EPHA3: variants seen among roughly 807,000 people sequenced by gnomAD.
The protein encoded by EPHA3 is EPH receptor A3.
A neutral mutation model predicts 107.1 loss-of-function variants in EPHA3; 42 were observed. That is an observed-to-expected ratio of 0.39 (90% CI 0.31 to 0.51). The LOEUF (loss-of-function observed/expected upper bound fraction) is 0.51. EPHA3 is among the 20% of genes least tolerant of loss of function. The pLI, the probability that EPHA3 is intolerant of heterozygous loss-of-function variation, is 0.78. For missense variants in EPHA3, 1,183 were observed against 1,211.2 expected, an observed-to-expected ratio of 0.98 and a Z score of 0.35; for synonymous variants, 461 against 424.8, an observed-to-expected ratio of 1.09 and a Z score of -1.05.
At chr3:89,222,677 C>T (rs1304932133) in intron 3 of EPHA3, among the ~76,000 whole-genome samples, 1 of 151,850 alleles carries the variant, frequency 6.6e-6, no homozygotes, top group African/African-American at 2.4e-5. Flanking sequence ...AGGGTGAAGG[C>T]TGTAATAAAA....
At chr3:89,347,840 G>C (rs1472176834) in intron 5 of EPHA3, among the ~76,000 whole-genome samples, 1 of 150,968 alleles carries the variant, frequency 6.6e-6, no homozygotes, top group Non-Finnish European at 1.5e-5. Flanking sequence ...GTTGAATTTT[G>C]TCAAAGGCTT....
chr3:89,479,624 A>C lies in EPHA3; in HGVS notation c.*122A>C. On this transcript the variant is annotated 3_prime_UTR_variant, in exon 17 of 17. Transcript: ENST00000336596. ...GTTCCAAGTCCAATAAGACACTCAA[A>C]TATGAGTACAAATGCCTTAAAATGG... 2.9e-6 allele frequency: 2 copies of C among 694,492 alleles called. No individual in the cohort carries two copies. Among genetic ancestry groups the C allele is most frequent in the Non-Finnish European group, 5.0e-6 (2 of 398,828 alleles). 43.0% of individuals were successfully genotyped at this position (694,492 alleles called of 1,614,324 possible). A position where few individuals can be genotyped will look rare whatever the true frequency, so the allele number is the denominator to read the frequency against.
At chr3:89,254,579 TC>T (rs1272573133) in intron 3 of EPHA3, among the ~76,000 whole-genome samples, 1 of 152,180 alleles carries the variant, frequency 6.6e-6, no homozygotes, top group Non-Finnish European at 1.5e-5. Flanking sequence ...ACTCAGCTAA[TC>T]CAGTCACATT....
intron 2 of EPHA3, among the ~76,000 whole-genome samples, chr3:89,187,347 T>C (rs1338307436): frequency 6.7e-6 from 1 of 148,550 alleles, no homozygotes; most frequent in East Asian, 1.9e-4. Context: ...TATTAATAAA[T>C]AATATACATT....
intron 11 of EPHA3, among the ~76,000 whole-genome samples, chr3:89,425,011 A>C (rs1443909149): frequency 6.6e-6 from 1 of 151,430 alleles, no homozygotes; most frequent in Non-Finnish European, 1.5e-5. Context: ...CCAGTCTGAA[A>C]TTATAGACCT....
intron 2 of EPHA3, among the ~76,000 whole-genome samples, chr3:89,189,617 T>A (rs1389435857): frequency 6.6e-6 from 1 of 152,072 alleles, no homozygotes; most frequent in Admixed American, 6.6e-5. Context: ...AAAACTACAC[T>A]AAGAGACCTA....
intron 13 of EPHA3, among the ~76,000 whole-genome samples, chr3:89,442,307 G>T (rs1709801001): frequency 6.6e-6 from 1 of 152,156 alleles, no homozygotes. Flanking sequence ...GGTATAGCCT[G>T]TGACAGGGGT....
chr3:89,249,693 AC>A (rs2107260743), intron 3 of EPHA3, among the ~76,000 whole-genome samples: 1 of 152,186 alleles, frequency 6.6e-6, no homozygotes, highest in South Asian at 2.1e-4. Context: ...ACTCCTGAGT[AC>A]AAGCAATCTG....
intron 3 of EPHA3, among the ~76,000 whole-genome samples, chr3:89,235,883 GT>G (rs1300901473): frequency 6.6e-6 from 1 of 151,700 alleles, no homozygotes; most frequent in African/African-American, 2.4e-5. Flanking sequence ...GAATTTCTAT[GT>G]ATTAATAAAT....
chr3:89,136,330 C>CTTTTTTTTTTTTTTTTTTTTTTTTTTTT lies in EPHA3; in HGVS notation c.153+9081_153+9082insTTTTTTTTTTTTTTTTTTTTTTTTTTTT, dbSNP rs67054298. ...GAAAAACATGGCAAAATCTTACAGG[C>CTTTTTTTTTTTTTTTTTTTTTTTTTTTT]TTTTTTTTTTTTTTTTTTTTTTTTG... On this transcript the variant is annotated intron_variant, in intron 2 of 16. Coordinates refer to ENST00000336596, the MANE Select transcript of EPHA3 (RefSeq NM_005233.6). Among the ~76,000 whole-genome samples, 12 of 23,382 alleles carry CTTTTTTTTTTTTTTTTTTTTTTTTTTTT rather than the reference C, an allele frequency of 5.1e-4. 4 individuals are homozygous for CTTTTTTTTTTTTTTTTTTTTTTTTTTTT. The highest frequency in any genetic ancestry group is 1.3e-3 in the East Asian group (1 of 760). 15.3% of individuals were successfully genotyped at this position (23,382 alleles called of 152,430 possible).
chr3:89,387,966 A>G (rs760752674), intron 5 of EPHA3, among the ~76,000 whole-genome samples: 5 of 152,152 alleles, frequency 3.3e-5, no homozygotes, highest in Non-Finnish European at 5.9e-5. Context: ...TCTTGTGTAT[A>G]CTGTTATCAA....
At chr3:89,391,381 T>A (rs945353813) in intron 5 of EPHA3, among the ~76,000 whole-genome samples, 5 of 145,772 alleles carry the variant, frequency 3.4e-5, no homozygotes, top group Admixed American at 6.8e-5. Context: ...TTATTTGTAT[T>A]TTTTTCTTTT....
At position 89,237,557 on chromosome 3, in the gene EPHA3, C is replaced by A. The variant is rs192338013; in HGVS notation, c.814+27037C>A. Among the ~76,000 whole-genome samples the A allele has an allele frequency of 3.7e-4, 57 of 152,224 alleles. No individual in the cohort carries two copies. In the East Asian group the frequency reaches 0.01, roughly 27 times the overall value. On this transcript the variant is annotated intron_variant, in intron 3 of 16. Coordinates refer to ENST00000336596, the MANE Select transcript of EPHA3 (RefSeq NM_005233.6). Reference sequence around the variant, plus strand: ...CCTAAGAGTTTCTGCCCTATGATTTCAACTGACTTGTATAAAAAGTTAGTT... The same window carrying A: ...CCTAAGAGTTTCTGCCCTATGATTTAAACTGACTTGTATAAAAAGTTAGTT...
At chr3:89,374,062 T>A (rs1193150392) in intron 5 of EPHA3, among the ~76,000 whole-genome samples, 2 of 151,782 alleles carry the variant, frequency 1.3e-5, no homozygotes, top group South Asian at 2.1e-4. Flanking sequence ...ATATGTACAA[T>A]TATACACTCT....
intron 4 of EPHA3, 122 bp from the exon 5 acceptor site, chr3:89,341,633 G>A: frequency 1.0e-5 from 8 of 792,152 alleles, no homozygotes; most frequent in Non-Finnish European, 1.6e-5. Context: ...AGGATGAACT[G>A]AAAGTTGATA....
chr3:89,422,236 G>C (rs1326379763), intron 11 of EPHA3, among the ~76,000 whole-genome samples: 1 of 145,018 alleles, frequency 6.9e-6, no homozygotes, highest in African/African-American at 2.6e-5. Context: ...CACACACAGA[G>C]CGATTGTGTT....
rs115816030 is a variant in EPHA3, at chr3:89,298,169, T to C, written c.815-42747T>C. 8.0e-3 allele frequency among the ~76,000 whole-genome samples: 1,211 copies of C among 152,266 alleles called. 13 individuals carry two copies. Among genetic ancestry groups the C allele is most frequent in the African/African-American group, 0.023 (967 of 41,544 alleles). On this transcript the variant is annotated intron_variant, in intron 3 of 16. Coordinates refer to ENST00000336596, the MANE Select transcript of EPHA3 (RefSeq NM_005233.6). ...CACCAAATCCCATGCCTCTACTACATTTGGATAGTTCTTTCCCTGACCTCA... is the reference window on the plus strand; with the variant it reads ...CACCAAATCCCATGCCTCTACTACACTTGGATAGTTCTTTCCCTGACCTCA...
At chr3:89,154,297 T>C (rs1477198641) in intron 2 of EPHA3, among the ~76,000 whole-genome samples, 11 of 151,428 alleles carry the variant, frequency 7.3e-5, no homozygotes, top group Admixed American at 7.3e-4. Context: ...TTTTTATTTC[T>C]CATTCTTTGG....
chr3:89,444,907 A>G (rs1223976970), intron 13 of EPHA3, among the ~76,000 whole-genome samples: 2 of 152,182 alleles, frequency 1.3e-5, no homozygotes, highest in Non-Finnish European at 2.9e-5. Flanking sequence ...ATTAGCAGAT[A>G]ATGGAAATTC....
Sources: allele counts gnomAD v4.1 joint callset (sites outside exome capture counted in the v4.1 genomes callset), GRCh38; gene constraint gnomAD v4.1.1; transcripts MANE v1.5; gene names NCBI Gene and HGNC (gene_info 2026-07-23, HGNC 2026-07-21).